ATRX: variants seen among roughly 807,000 people sequenced by gnomAD.
ATRX encodes the protein chromatin remodeler ATRX.
A neutral mutation model predicts 172.6 loss-of-function variants in ATRX; 12 were observed. That is an observed-to-expected ratio of 0.07 (90% CI 0.04 to 0.11). The LOEUF (loss-of-function observed/expected upper bound fraction) is 0.11. Among genes scored for constraint, ATRX ranks in the 10% least tolerant of loss-of-function variants. The pLI is 1.00. For synonymous variants in ATRX, 674 were observed against 594.7 expected (o/e 1.13, Z -1.94); for missense variants, 1,368 against 1,767.4 (o/e 0.77, Z 4.05).
intron 28 of ATRX, among the ~76,000 whole-genome samples, chrX:77,570,344 A>AT (rs1218429297): frequency 7.6e-4 from 76 of 100,471 alleles, no homozygotes; most frequent in African/African-American, 1.0e-3. Context: ...ATGCCTGGGT[A>AT]TTTTTTTTTT....
At chrX:77,638,563 T>C (rs1025451613) in intron 15 of ATRX, among the ~76,000 whole-genome samples, 1 of 112,879 alleles carries the variant, frequency 8.9e-6, no homozygotes, top group Non-Finnish European at 1.9e-5. Context: ...CCACAAATCA[T>C]TTTGAAGCGA....
At chrX:77,725,749 C>T (rs1476997694) in intron 1 of ATRX, among the ~76,000 whole-genome samples, 1 of 112,028 alleles carries the variant, frequency 8.9e-6, no homozygotes, top group Non-Finnish European at 1.9e-5. Context: ...TATCCAGAAT[C>T]TACAAAGAAC....
At chrX:77,556,199 G>C (rs1204435003) in intron 30 of ATRX, among the ~76,000 whole-genome samples, 1 of 79,045 alleles carries the variant, frequency 1.3e-5, no homozygotes, top group African/African-American at 4.8e-5. Flanking sequence ...GAGAGGGAGA[G>C]GGAGAGGGGG....
rs781799568 is a variant in ATRX at position 77,684,178 on chromosome X, T to C, written c.1078A>G (p.Ile360Val). Residue 360 changes from isoleucine (I) to valine (V), a missense_variant, in exon 9 of 35, where the codon ATT (isoleucine) becomes GTT (valine). Physicochemically the swap from Ile to Val is conservative, Grantham distance 29. This residue lies in a region of ATRX where 843 missense variants were observed against 643.1 expected (regional missense o/e 1.31). Coordinates refer to ENST00000373344, the MANE Select transcript of ATRX (RefSeq NM_000489.6). Reference protein sequence around the residue: ...KEMIKKAKKLIETTANMNSSY... With the variant: ...KEMIKKAKKLVETTANMNSSY... ...GAGTTCATGTTGGCTGTGGTCTCAA[T>C]CAGTTTTTTTGCCTTCTTAATCATC... is the stretch of plus-strand genomic sequence containing the variant. 1.5e-5 allele frequency: 18 copies of C among 1,208,689 alleles called. No homozygotes were observed. The South Asian group carries it at 2.3e-4, about 15-fold the overall frequency.
rs782675142 is a variant in ATRX at position 77,599,839 on chromosome X, C to G, written c.5698-19G>C. On this transcript the variant is annotated intron_variant, in intron 23 of 34. Coordinates refer to ENST00000373344, the MANE Select transcript of ATRX (RefSeq NM_000489.6). Reference sequence around the variant, plus strand: ...AATAACCCTAGAGAAAAAAAAATGACCACTATTTTAATAGAATATCTCAAC... The same window carrying G: ...AATAACCCTAGAGAAAAAAAAATGAGCACTATTTTAATAGAATATCTCAAC... The G allele has an allele frequency of 2.7e-6, 3 of 1,113,619 alleles. No homozygotes were observed. Among genetic ancestry groups the G allele is most frequent in the Non-Finnish European group, 3.7e-6 (3 of 807,900 alleles). The allele number at this position is 1,113,619 out of a possible 1,213,427, so 91.8% of individuals were successfully genotyped here.
intron 30 of ATRX, among the ~76,000 whole-genome samples, chrX:77,551,935 A>T (rs1475170537): frequency 1.8e-5 from 2 of 111,911 alleles, no homozygotes; most frequent in African/African-American, 6.5e-5. Context: ...ATCTCATACC[A>T]GTTGGAATGG....
chrX:77,710,508 T>C (rs1232943024), intron 2 of ATRX, among the ~76,000 whole-genome samples: 1 of 110,587 alleles, frequency 9.0e-6, no homozygotes, highest in South Asian at 3.8e-4. Context: ...TTGAGTGTCA[T>C]GTCAGCACTC....
chrX:77,667,746 T>C (rs1276076971), intron 10 of ATRX, among the ~76,000 whole-genome samples: 1 of 111,861 alleles, frequency 8.9e-6, no homozygotes, highest in Non-Finnish European at 1.9e-5. Flanking sequence ...TGTATACCTA[T>C]TAATAAATCA....
chrX:77,637,939 CAAAAAAAAAAA>C (rs373944111), intron 15 of ATRX, among the ~76,000 whole-genome samples: 10 of 42,843 alleles, frequency 2.3e-4, no homozygotes, highest in Admixed American at 1.1e-3. Context: ...AGCTCCATCT[CAAAAAAAAAAA>C]AAAAAAAAAC....
chrX:77,519,249 C>T (rs1386700123), intron 34 of ATRX, among the ~76,000 whole-genome samples: 1 of 111,397 alleles, frequency 9.0e-6, no homozygotes, highest in Admixed American at 9.6e-5. Flanking sequence ...GCAAGCTATC[C>T]AACTGACAAG....
chrX:77,743,460 G>A (rs2074955120), intron 1 of ATRX, among the ~76,000 whole-genome samples: 1 of 111,027 alleles, frequency 9.0e-6, no homozygotes, highest in Admixed American at 9.7e-5. Flanking sequence ...TGACCTGGCT[G>A]AGAAACAGTG....
chrX:77,782,498 C>A (rs1197357251), intron 1 of ATRX, among the ~76,000 whole-genome samples: 1 of 112,373 alleles, frequency 8.9e-6, no homozygotes, highest in South Asian at 3.6e-4. Context: ...CCTGTAATCC[C>A]AGCACTTTGG....
rs1557141502 is a variant in ATRX, at chrX:77,683,760, T to C, written c.1496A>G (p.Lys499Arg). 1 of 1,210,906 alleles carries C rather than the reference T, an allele frequency of 8.3e-7. No individual in the cohort carries two copies. Among genetic ancestry groups the C allele is most frequent in the Non-Finnish European group, 1.1e-6 (1 of 894,741 alleles). The stretch of plus-strand genomic sequence containing the variant: ...GGCAGGTTCATATTGAGGTTCTTCT[T>C]TTCTATCAGATTTCTTATGTTCACC... The part of the protein sequence containing the change: ...TGGEHKKSDR[K>R]EEPQYEPANT... Residue 499 changes from lysine to arginine, a missense_variant, in exon 9 of 35, where the codon AAA (lysine) becomes AGA (arginine). By Grantham distance (26) the Lys-to-Arg change is conservative (BLOSUM62 2). Transcript: ENST00000373344.
At chrX:77,773,743 C>T (rs782026435) in intron 1 of ATRX, among the ~76,000 whole-genome samples, 2 of 107,784 alleles carry the variant, frequency 1.9e-5, no homozygotes, top group Admixed American at 2.0e-4. Context: ...CAGAGCAAGA[C>T]TCTGTCTCAG....
At chrX:77,559,916 T>C (rs2064956640) in intron 28 of ATRX, among the ~76,000 whole-genome samples, 1 of 112,135 alleles carries the variant, frequency 8.9e-6, no homozygotes, top group Non-Finnish European at 1.9e-5. Context: ...GGCTTACAAA[T>C]ATTTACGTAG....
chrX:77,705,056 G>C (rs1298918675), intron 2 of ATRX, among the ~76,000 whole-genome samples: 1 of 111,313 alleles, frequency 9.0e-6, no homozygotes, highest in African/African-American at 3.3e-5. Flanking sequence ...CAGATCTGCA[G>C]CCATGGTTTG....
At chrX:77,772,065 C>T (rs1407216290) in intron 1 of ATRX, among the ~76,000 whole-genome samples, 1 of 111,236 alleles carries the variant, frequency 9.0e-6, no homozygotes, top group East Asian at 2.8e-4. Flanking sequence ...GAGGCCGAGG[C>T]GGGCGGATCA....
At chrX:77,565,272 C>T (rs2065158365) in intron 28 of ATRX, among the ~76,000 whole-genome samples, 3 of 111,636 alleles carry the variant, frequency 2.7e-5, no homozygotes, top group South Asian at 3.8e-4. Flanking sequence ...TCAGAAGATG[C>T]CTACTATACC....
In ATRX at chrX:77,540,056, G is replaced by A. The variant is rs781949604; in HGVS notation, c.6700-16655C>T. Among the ~76,000 whole-genome samples, 17 of 111,516 alleles carry A rather than the reference G, an allele frequency of 1.5e-4. No homozygotes were observed. The East Asian group carries it at 3.6e-3, about 24-fold the overall frequency. On this transcript the variant is annotated intron_variant, in intron 30 of 34. Transcript: ENST00000373344. ...TAGAATCAAGACCCATTGGTGTGCT[G>A]TATTCAAGAGACCCATCTCACTTGC...
Sources: allele counts gnomAD v4.1 joint callset (sites outside exome capture counted in the v4.1 genomes callset), GRCh38; gene constraint gnomAD v4.1.1; regional missense constraint gnomAD v4.1.1; transcripts MANE v1.5; gene names NCBI Gene and HGNC (gene_info 2026-07-23, HGNC 2026-07-21).